Variants in CLIP2 observed in about 807,000 individuals in gnomAD.
The protein encoded by CLIP2 is CAP-Gly domain-containing linker protein 2.
CLIP2 carries 41 observed loss-of-function variants against 111.7 expected under a neutral mutation model. That is an observed-to-expected ratio of 0.37 (90% CI 0.29 to 0.48). The LOEUF is 0.48. Ranked by LOEUF, CLIP2 falls within the 20% of genes least tolerant of loss-of-function variation. The probability of loss-of-function intolerance (pLI) is 0.99; values close to 1 mark genes in which losing one functional copy is unlikely to be tolerated. For synonymous variants in CLIP2, 660 were observed against 644.2 expected (o/e 1.02, Z -0.37); for missense variants, 1,160 against 1,422.1 (o/e 0.82, Z 2.96).
chr7:74,300,405 T>TC lies in CLIP2; in HGVS notation c.-68+10671_-68+10672insC, dbSNP rs202095516. Among the ~76,000 whole-genome samples the TC allele has an allele frequency of 1.8e-3, 272 of 152,278 alleles. 1 individual carries two copies. Among genetic ancestry groups the TC allele is most frequent in the African/African-American group, 3.4e-3 (140 of 41,560 alleles). ...GTGGTATTTGATTTTCCGAGTTGTTTTCTAGGGATAATGGCTCCCATCCAT... is the reference window on the plus strand; with the variant it reads ...GTGGTATTTGATTTTCCGAGTTGTTTCTCTAGGGATAATGGCTCCCATCCAT... On this transcript the variant is annotated intron_variant, in intron 1 of 16. Coordinates refer to ENST00000223398, the MANE Select transcript of CLIP2 (RefSeq NM_003388.5).
intron 13 of CLIP2, among the ~76,000 whole-genome samples, chr7:74,394,374 C>G (rs1282001468): frequency 6.6e-6 from 1 of 151,658 alleles, no homozygotes; most frequent in Non-Finnish European, 1.5e-5. Context: ...CCCCAGCTTC[C>G]CAAGTAGCTG....
Position 74,353,993 on chromosome 7 carries a change from G to A in CLIP2, c.792G>A (p.Val264=). The A allele has an allele frequency of 2.5e-6, 4 of 1,612,700 alleles. No individual in the cohort carries two copies. The highest frequency in any genetic ancestry group is 3.4e-6 in the Non-Finnish European group (4 of 1,179,028). ...DEPLGKNDGA[V]AGTRYFQCPP... Reference sequence around the variant, plus strand: ...CCCTTGGGAAGAATGATGGGGCGGTGGCGGGCACCAGGTATGGTGGGCTTC... The same window carrying A: ...CCCTTGGGAAGAATGATGGGGCGGTAGCGGGCACCAGGTATGGTGGGCTTC... Residue 264 remains valine, a synonymous_variant, in exon 4 of 17, where the codon GTG becomes GTA. Transcript: ENST00000223398.
Position 74,338,519 on chromosome 7 carries a change from G to A in CLIP2, c.193G>A (p.Gly65Ser). 6.2e-7 allele frequency: 1 copy of A among 1,609,368 alleles called. No homozygotes were observed. The highest frequency in any genetic ancestry group is 8.5e-7 in the Non-Finnish European group (1 of 1,178,492). The change falls in exon 3 of 17, where the codon GGC (glycine) becomes AGC (serine). Residue 65 changes from glycine (G) to serine (S), a missense_variant. This residue lies in a region of CLIP2 where 301 missense variants were observed against 315.2 expected (regional missense o/e 0.96). Transcript: ENST00000223398. The surrounding 1 kb of genome is among the most constrained non-coding windows in gnomAD (Gnocchi z 4.3). Reference protein sequence around the residue: ...PAAAAAPEKPGPKAAEVGDDF... With the variant: ...PAAAAAPEKPSPKAAEVGDDF... ...CGCAGCTGCTGCCCCCGAGAAGCCGGGCCCCAAGGCGGCGGAAGTGGGGGA... is the reference window on the plus strand; with the variant it reads ...CGCAGCTGCTGCCCCCGAGAAGCCGAGCCCCAAGGCGGCGGAAGTGGGGGA...
chr7:74,339,752 C>T (rs1186749177), intron 3 of CLIP2, among the ~76,000 whole-genome samples: 1 of 152,014 alleles, frequency 6.6e-6, no homozygotes, highest in African/African-American at 2.4e-5. Flanking sequence ...CATGCATGTG[C>T]CAGGCATGTA....
intron 9 of CLIP2, among the ~76,000 whole-genome samples, chr7:74,373,462 C>T (rs1790693996): frequency 6.6e-6 from 1 of 152,168 alleles, no homozygotes; most frequent in Non-Finnish European, 1.5e-5. Flanking sequence ...CGTGCCACTG[C>T]ACTCCAGCCT....
rs112979722 is a variant in CLIP2 at position 74,332,453 on chromosome 7, G to A, written c.122-5995G>A. Among the ~76,000 whole-genome samples, 974 of 116,460 alleles carry A rather than the reference G, an allele frequency of 8.4e-3. 4 individuals are homozygous for A. Among genetic ancestry groups the A allele is most frequent in the Middle Eastern group, 0.047 (8 of 172 alleles). The allele number at this position is 116,460 out of a possible 152,430, so 76.4% of individuals were successfully genotyped here. A position where few individuals can be genotyped will look rare whatever the true frequency, so the allele number is the denominator to read the frequency against. On this transcript the variant is annotated intron_variant, in intron 2 of 16. Coordinates refer to ENST00000223398, the MANE Select transcript of CLIP2 (RefSeq NM_003388.5). ...TGGGATCATGCCTCACTGCAGCCTA[G>A]AATTCTCTTTTTTTTTTTTTTTTTT... is the stretch of plus-strand genomic sequence containing the variant.
At chr7:74,321,380 C>G (rs1351024579) in intron 2 of CLIP2, among the ~76,000 whole-genome samples, 1 of 152,210 alleles carries the variant, frequency 6.6e-6, no homozygotes, top group Non-Finnish European at 1.5e-5. Context: ...AGGATTCTAA[C>G]AGAGCTGAGC....
intron 8 of CLIP2, among the ~76,000 whole-genome samples, chr7:74,366,827 G>A (rs1485492440): frequency 2.1e-5 from 3 of 143,380 alleles, no homozygotes; most frequent in East Asian, 2.2e-4. Context: ...AGTGAGCCGC[G>A]ATTGCGCCAC....
At chr7:74,355,954 G>A (rs527634321) in intron 4 of CLIP2, among the ~76,000 whole-genome samples, 1 of 152,308 alleles carries the variant, frequency 6.6e-6, no homozygotes, top group African/African-American at 2.4e-5. Flanking sequence ...AACAGTCTGT[G>A]GGAGCCAAGC....
intron 3 of CLIP2, among the ~76,000 whole-genome samples, chr7:74,352,537 C>A (rs1433266735): frequency 6.6e-6 from 1 of 151,974 alleles, no homozygotes; most frequent in African/African-American, 2.4e-5. Context: ...AACTACAATA[C>A]ATCATCCTCA....
At chr7:74,337,628 C>A (rs894740591) in intron 2 of CLIP2, among the ~76,000 whole-genome samples, 2 of 150,006 alleles carry the variant, frequency 1.3e-5, no homozygotes, top group Non-Finnish European at 3.0e-5. Context: ...TGAAGTCTTT[C>A]TCTTTCCCCT....
At chr7:74,318,558 C>G (rs192984419) in intron 2 of CLIP2, among the ~76,000 whole-genome samples, 120 of 152,102 alleles carry the variant, frequency 7.9e-4, no homozygotes, top group Non-Finnish European at 1.2e-3. Context: ...GCTAAAAATA[C>G]AAAAATTAGT....
In CLIP2 at chr7:74,338,774, A is replaced by T. The variant is rs1789558973; in HGVS notation, c.448A>T (p.Thr150Ser). Residue 150 changes from threonine (T) to serine (S), a missense_variant, in exon 3 of 17, where the codon ACG (threonine) becomes TCG (serine). Thr to Ser is a moderately conservative substitution (Grantham distance 58). Coordinates refer to ENST00000223398, the MANE Select transcript of CLIP2 (RefSeq NM_003388.5). The surrounding 1 kb of genome is among the most constrained non-coding windows in gnomAD (Gnocchi z 4.3). ...GCCCTCCAAGCTGACCCGGCAGCCC[A>T]CGGCCGAGGGCTCGGGGAGTGATGC... ...TRPSKLTRQP[T>S]AEGSGSDAHS... 3.1e-6 allele frequency: 5 copies of T among 1,609,230 alleles called. No individual in the cohort carries two copies. The highest frequency in any genetic ancestry group is 4.2e-6 in the Non-Finnish European group (5 of 1,179,134).
At chr7:74,303,843 C>A (rs782603620) in intron 1 of CLIP2, among the ~76,000 whole-genome samples, 1 of 143,626 alleles carries the variant, frequency 7.0e-6, no homozygotes, top group Non-Finnish European at 1.5e-5. Context: ...ACTCAGCAGG[C>A]GGAGGTTGCA....
chr7:74,386,714 C>T (rs554774010), intron 12 of CLIP2, 110 bp downstream of exon 12: 20 of 764,332 alleles, frequency 2.6e-5, no homozygotes, highest in African/African-American at 9.3e-5. Context: ...GTCCCCTCCC[C>T]GACTCTGCTT....
chr7:74,378,778 A>T (rs782440218), intron 10 of CLIP2, among the ~76,000 whole-genome samples: 1 of 152,188 alleles, frequency 6.6e-6, no homozygotes, highest in African/African-American at 2.4e-5. Flanking sequence ...AGAATTTAGC[A>T]TGTGGGCAGT....
At chr7:74,297,545 C>T (rs1788206816) in intron 1 of CLIP2, among the ~76,000 whole-genome samples, 1 of 152,106 alleles carries the variant, frequency 6.6e-6, no homozygotes, top group African/African-American at 2.4e-5. Context: ...AAGCCTCAGC[C>T]TCTGTCTACT....
At chr7:74,339,597 C>T (rs1349932130) in intron 3 of CLIP2, among the ~76,000 whole-genome samples, 1 of 152,070 alleles carries the variant, frequency 6.6e-6, no homozygotes, top group Non-Finnish European at 1.5e-5. Context: ...TGAGCCCCAG[C>T]GCCCTACCAA....
At chr7:74,293,663 G>T (rs1355157310) in intron 1 of CLIP2, among the ~76,000 whole-genome samples, 5 of 152,208 alleles carry the variant, frequency 3.3e-5, no homozygotes, top group Admixed American at 3.3e-4. Context: ...CATTCAGGGA[G>T]TTCATGAGCT....
Sources: allele counts gnomAD v4.1 joint callset (sites outside exome capture counted in the v4.1 genomes callset), GRCh38; gene constraint gnomAD v4.1.1; regional missense constraint gnomAD v4.1.1; non-coding constraint Gnocchi (gnomAD v3.1); transcripts MANE v1.5; gene names NCBI Gene and HGNC (gene_info 2026-07-23, HGNC 2026-07-21).